HNRNPUL1: variants seen among roughly 807,000 people sequenced by gnomAD.
HNRNPUL1 encodes the protein heterogeneous nuclear ribonucleoprotein U like 1, also known as heterogeneous nuclear ribonucleoprotein U-like protein 1.
In HNRNPUL1, 14 loss-of-function variants were observed where a neutral mutation model predicts 108.5. That is an observed-to-expected ratio of 0.13 (90% CI 0.09 to 0.20). The LOEUF is 0.20. HNRNPUL1 is among the 10% of genes least tolerant of loss of function. The probability of loss-of-function intolerance (pLI) is 1.00; values close to 1 mark genes in which losing one functional copy is unlikely to be tolerated. For missense variants in HNRNPUL1, 804 were observed against 1,168.3 expected (o/e 0.69, Z 4.55); for synonymous variants, 422 against 445.2 (o/e 0.95, Z 0.66).
chr19:41,281,126 G>T (rs778431167), intron 6 of HNRNPUL1, 37 bp from the exon 7 acceptor site: 1 of 1,359,626 alleles, frequency 7.4e-7, no homozygotes, highest in African/African-American at 1.4e-5. Context: ...TATGACCATC[G>T]CAGGTTTAAC....
chr19:41,272,542 C>T (rs1373954677), intron 3 of HNRNPUL1, among the ~76,000 whole-genome samples: 3 of 152,150 alleles, frequency 2.0e-5, no homozygotes, highest in South Asian at 2.1e-4. Flanking sequence ...GCTTGATACC[C>T]GTAATGAAAG....
chr19:41,287,018 G>A (rs778575497), intron 7 of HNRNPUL1, among the ~76,000 whole-genome samples: 29 of 151,268 alleles, frequency 1.9e-4, no homozygotes, highest in African/African-American at 2.9e-4. Context: ...GCGCCCAGTC[G>A]GTGTGTACCC....
Position 41,287,609 on chromosome 19 carries a change from G to C in HNRNPUL1, c.1000-4636G>C, listed in dbSNP as rs539445759. Among the ~76,000 whole-genome samples, 24 of 152,032 alleles carry C rather than the reference G, an allele frequency of 1.6e-4. No homozygotes were observed. In the South Asian group the frequency reaches 4.2e-3, roughly 26 times the overall value. Reference sequence around the variant, plus strand: ...GAGTTTCGCTCTGTCACCCAATCTGGAGTGCAGTGGCGCAATCTCAGCTCA... The same window carrying C: ...GAGTTTCGCTCTGTCACCCAATCTGCAGTGCAGTGGCGCAATCTCAGCTCA... On this transcript the variant is annotated intron_variant, in intron 7 of 14. Transcript: ENST00000392006.
rs767310908 is a variant in HNRNPUL1, at chr19:41,264,424, C to T, written c.-80C>T. ...GGGCCCCCCCCCTTTCCCCCTTCGC[C>T]TCCTGACAGGAAAGGTTTAAGGGGG... On this transcript the variant is annotated 5_prime_UTR_variant, in exon 1 of 15. Coordinates refer to ENST00000392006, the MANE Select transcript of HNRNPUL1 (RefSeq NM_007040.6). The T allele has an allele frequency of 2.6e-4, 315 of 1,213,968 alleles. No individual in the cohort carries two copies. The highest frequency in any genetic ancestry group is 3.3e-4 in the Non-Finnish European group (312 of 952,826). 75.2% of individuals were successfully genotyped at this position (1,213,968 alleles called of 1,614,324 possible). A position where few individuals can be genotyped will look rare whatever the true frequency, so the allele number is the denominator to read the frequency against.
chr19:41,305,734 C>T lies in HNRNPUL1; in HGVS notation c.2321C>T (p.Pro774Leu). 1.2e-6 allele frequency: 2 copies of T among 1,614,142 alleles called. No homozygotes were observed. The highest frequency in any genetic ancestry group is 8.5e-7 in the Non-Finnish European group (1 of 1,179,998). The part of the protein sequence containing the change: ...QGGYSQGYTA[P>L]PPPPPPPPAY... ...GGTTACAGCCAGGGCTACACAGCCC[C>T]ACCGCCTCCACCTCCACCACCACCT... is the stretch of plus-strand genomic sequence containing the variant. Residue 774 changes from proline (P) to leucine (L), a missense_variant, in exon 14 of 15, where the codon CCA (proline) becomes CTA (leucine). Physicochemically the swap from Pro to Leu is moderately conservative, Grantham distance 98. This residue lies in a region of HNRNPUL1 where 294 missense variants were observed against 388.3 expected (regional missense o/e 0.76). Transcript: ENST00000392006.
At chr19:41,270,087 A>G (rs1453905765) in intron 2 of HNRNPUL1, among the ~76,000 whole-genome samples, 1 of 151,868 alleles carries the variant, frequency 6.6e-6, no homozygotes, top group East Asian at 1.9e-4. Flanking sequence ...GGTTCAAGCG[A>G]TTCTCCTGCC....
At chr19:41,297,026 A>T (rs2036932094) in intron 10 of HNRNPUL1, among the ~76,000 whole-genome samples, 1 of 152,222 alleles carries the variant, frequency 6.6e-6, no homozygotes, top group South Asian at 2.1e-4. Context: ...CTACCCTGGG[A>T]TGTATGTGAT....
intron 1 of HNRNPUL1, among the ~76,000 whole-genome samples, chr19:41,267,636 A>G (rs1381456479): frequency 6.6e-6 from 1 of 152,232 alleles, no homozygotes; most frequent in East Asian, 1.9e-4. Context: ...CAAGTGGCAG[A>G]ATAGTCTCTC....
At chr19:41,276,054 G>T in intron 4 of HNRNPUL1, 105 bp from the exon 5 acceptor site, 1 of 1,466,928 alleles carries the variant, frequency 6.8e-7, no homozygotes, top group Non-Finnish European at 9.4e-7. Flanking sequence ...GGTGAGCCAA[G>T]ATCGCACCAT....
intron 2 of HNRNPUL1, 145 bp from the exon 3 acceptor site, chr19:41,271,937 G>A: frequency 1.2e-6 from 1 of 860,776 alleles, no homozygotes; most frequent in Non-Finnish European, 1.8e-6. Context: ...GCAGGCTTCT[G>A]TTGAACTCAG....
chr19:41,268,261 G>C lies in HNRNPUL1; in HGVS notation c.334G>C (p.Asp112His). 6.2e-7 allele frequency: 1 copy of C among 1,613,886 alleles called. No homozygotes were observed. The highest frequency in any genetic ancestry group is 8.5e-7 in the Non-Finnish European group (1 of 1,179,926). Residue 112 changes from aspartate to histidine, a missense_variant, in exon 2 of 15, where the codon GAT (aspartate) becomes CAT (histidine). Around this residue, in one of 4 missense-constraint regions of HNRNPUL1, gnomAD observed 256 missense variants for 261.6 expected, o/e 0.98. Coordinates refer to ENST00000392006, the MANE Select transcript of HNRNPUL1 (RefSeq NM_007040.6). ...DNITRQNQFYDTQVIKQENES... is the reference protein window; with the variant it reads ...DNITRQNQFYHTQVIKQENES... The stretch of plus-strand genomic sequence containing the variant: ...TATTACCAGGCAGAACCAATTCTAC[G>C]ATACCCAAGTCATCAAACAAGAAAA...
chr19:41,303,888 C>G (rs1437601462), intron 12 of HNRNPUL1, 84 bp from the exon 13 acceptor site: 6 of 1,511,698 alleles, frequency 4.0e-6, no homozygotes, highest in Non-Finnish European at 5.4e-6. Flanking sequence ...CATGCCGGCT[C>G]ACAGTAGTCA....
chr19:41,263,138 G>T (rs1388292945), upstream of HNRNPUL1: 1 of 151,854 alleles, frequency 6.6e-6, no homozygotes, highest in East Asian at 1.9e-4. Context: ...GTGTGCCTTT[G>T]TCTGAGTAGA....
intron 7 of HNRNPUL1, among the ~76,000 whole-genome samples, chr19:41,291,184 A>G (rs541578658): frequency 3.9e-5 from 6 of 152,322 alleles, no homozygotes; most frequent in East Asian, 1.9e-4. Flanking sequence ...GCCTCAGCCA[A>G]TCTGACCTTG....
chr19:41,299,513 TAGTC>T (rs2037080608), intron 10 of HNRNPUL1, among the ~76,000 whole-genome samples: 3 of 152,218 alleles, frequency 2.0e-5, no homozygotes, highest in South Asian at 2.1e-4. Context: ...CTCTCCTGGA[TAGTC>T]AGTCCTGTAG....
intron 2 of HNRNPUL1, 73 bp downstream of exon 2, chr19:41,268,418 C>T (rs1365083875): frequency 5.4e-6 from 8 of 1,480,110 alleles, no homozygotes; most frequent in East Asian, 2.4e-5. Context: ...CTGCTTAGAG[C>T]GGGTCTTCCC....
rs2035545836 is a variant in HNRNPUL1, at chr19:41,276,210, C to T, written c.698C>T (p.Pro233Leu). The stretch of plus-strand genomic sequence containing the variant: ...GCCCGAGATCGGAGTAGTGGCTATC[C>T]GCTCACAATTGAGGGCTTTGCATAC... ...KVARDRSSGY[P>L]LTIEGFAYLW... Residue 233 changes from proline to leucine, a missense_variant, in exon 5 of 15, where the codon CCG becomes CTG. Transcript: ENST00000392006. 1.2e-6 allele frequency: 2 copies of T among 1,613,706 alleles called. No individual in the cohort carries two copies. The highest frequency in any genetic ancestry group is 1.7e-6 in the Non-Finnish European group (2 of 1,180,004).
At chr19:41,280,168 C>A (rs998741139) in intron 6 of HNRNPUL1, among the ~76,000 whole-genome samples, 1 of 152,044 alleles carries the variant, frequency 6.6e-6, no homozygotes, top group Non-Finnish European at 1.5e-5. Context: ...AAAATATGTT[C>A]ACATGGACTT....
At position 41,276,205 on chromosome 19, in the gene HNRNPUL1, C is replaced by G. The variant is rs2035545408; in HGVS notation, c.693C>G (p.Gly231=). The G allele has an allele frequency of 1.2e-6, 2 of 1,613,820 alleles. No individual in the cohort carries two copies. The highest frequency in any genetic ancestry group is 1.7e-6 in the Non-Finnish European group (2 of 1,180,016). ...AGGTGGCCCGAGATCGGAGTAGTGGCTATCCGCTCACAATTGAGGGCTTTG... is the reference window on the plus strand; with the variant it reads ...AGGTGGCCCGAGATCGGAGTAGTGGGTATCCGCTCACAATTGAGGGCTTTG... The part of the protein sequence containing the change: ...HFKVARDRSS[G]YPLTIEGFAY... The change falls in exon 5 of 15, where the codon GGC becomes GGG. Residue 231 remains glycine, a synonymous_variant. Coordinates refer to ENST00000392006, the MANE Select transcript of HNRNPUL1 (RefSeq NM_007040.6).
Sources: gnomAD v4.1 joint callset for allele counts (sites outside exome capture counted in the v4.1 genomes callset) on GRCh38, gnomAD v4.1.1 for gene constraint, gnomAD v4.1.1 regional missense constraint, MANE v1.5 for transcripts, NCBI Gene and HGNC (gene_info 2026-07-23, HGNC 2026-07-21) for gene names.